The following SGMS2 variants were observed in gnomAD, a reference collection of about 807,000 sequenced individuals.
The protein encoded by SGMS2 is sphingomyelin synthase 2.
A neutral mutation model predicts 43.8 loss-of-function variants in SGMS2; 21 were observed. That is an observed-to-expected ratio of 0.48 (90% confidence interval 0.34 to 0.69). The LOEUF (loss-of-function observed/expected upper bound fraction) is 0.69, where lower values mean the gene tolerates loss of function less well. Among genes scored for constraint, SGMS2 ranks in the 30% least tolerant of loss-of-function variants. The pLI, the probability that SGMS2 is intolerant of heterozygous loss-of-function variation, is 0.01. For synonymous variants in SGMS2, 167 were observed against 160.6 expected, an observed-to-expected ratio of 1.04 and a Z score of -0.30; for missense variants, 384 against 443.2, an observed-to-expected ratio of 0.87 and a Z score of 1.20.
intron 2 of SGMS2, among the ~76,000 whole-genome samples, chr4:107,885,916 G>A (rs1049147411): frequency 4.6e-5 from 7 of 152,102 alleles, no homozygotes; most frequent in Admixed American, 1.3e-4. Context: ...TAAAATAAAT[G>A]TTCAGAACTT....
intron 1 of SGMS2, among the ~76,000 whole-genome samples, chr4:107,838,786 A>T (rs981813746): frequency 6.6e-6 from 1 of 151,500 alleles, no homozygotes; most frequent in South Asian, 2.1e-4. Context: ...ATATTCTTGG[A>T]TGCTGCTTTT....
At chr4:107,866,975 TTC>T (rs1439714896) in intron 2 of SGMS2, 1 of 152,182 alleles carries the variant, frequency 6.6e-6, no homozygotes, top group Non-Finnish European at 1.5e-5. Flanking sequence ...GTTTTGTGAC[TTC>T]TGATCCAGGG....
intron 1 of SGMS2, among the ~76,000 whole-genome samples, chr4:107,838,339 A>G (rs1726311416): frequency 6.6e-6 from 1 of 152,226 alleles, no homozygotes; most frequent in African/African-American, 2.4e-5. Flanking sequence ...AGTGATTCAA[A>G]GCACAAATTA....
chr4:107,828,791 T>G (rs1336965814), intron 1 of SGMS2, among the ~76,000 whole-genome samples: 1 of 152,246 alleles, frequency 6.6e-6, no homozygotes, highest in Non-Finnish European at 1.5e-5. Context: ...TCTTAATTTC[T>G]GCGTTCCTTT....
At chr4:107,833,209 T>A (rs1725989204) in intron 1 of SGMS2, among the ~76,000 whole-genome samples, 1 of 152,210 alleles carries the variant, frequency 6.6e-6, no homozygotes, top group African/African-American at 2.4e-5. Context: ...CCTCCTGTCC[T>A]AACAGCATTC....
At chr4:107,851,497 A>G (rs539533030) in intron 1 of SGMS2, among the ~76,000 whole-genome samples, 10 of 152,304 alleles carry the variant, frequency 6.6e-5, no homozygotes, top group African/African-American at 1.9e-4. Flanking sequence ...CCTAACCTGG[A>G]TAGTTAACAT....
At chr4:107,830,524 C>T (rs1397242860) in intron 1 of SGMS2, among the ~76,000 whole-genome samples, 1 of 152,162 alleles carries the variant, frequency 6.6e-6, no homozygotes, top group Non-Finnish European at 1.5e-5. Context: ...GTTCCCTTTT[C>T]TCTGCAACCT....
intron 2 of SGMS2, among the ~76,000 whole-genome samples, chr4:107,887,180 A>G (rs769418103): frequency 6.6e-6 from 1 of 152,172 alleles, no homozygotes; most frequent in African/African-American, 2.4e-5. Context: ...TTTTTCCTCT[A>G]TTCTGATGTC....
In SGMS2 at chr4:107,903,262, A is replaced by G. The variant is rs896314517; in HGVS notation, c.603A>G (p.Gln201=). The change falls in exon 5 of 7, where the codon CAA becomes CAG. Residue 201 remains glutamine, a synonymous_variant. Transcript: ENST00000690982. ...ATGGAGACTCTCAGGCAAAAGTTCA[A>G]CGGATTCTACGATTGATTTCTGGTG... ...KLNGDSQAKV[Q]RILRLISGGG... is the part of the protein sequence containing the mutation. The G allele has an allele frequency of 1.1e-5, 17 of 1,613,966 alleles. No individual in the cohort carries two copies. The highest frequency in any genetic ancestry group is 6.7e-5 in the East Asian group (3 of 44,894).
At chr4:107,843,606 T>C (rs1272968864) in intron 1 of SGMS2, among the ~76,000 whole-genome samples, 1 of 152,112 alleles carries the variant, frequency 6.6e-6, no homozygotes, top group African/African-American at 2.4e-5. Context: ...TCTGGGTGCT[T>C]TCACCTGAAA....
Position 107,903,317 on chromosome 4 carries a change from T to A in SGMS2, c.658T>A (p.Leu220Ile), listed in dbSNP as rs777860637. 1.9e-6 allele frequency: 3 copies of A among 1,613,702 alleles called. No individual in the cohort carries two copies. The highest frequency in any genetic ancestry group is 2.5e-6 in the Non-Finnish European group (3 of 1,179,604). Residue 220 changes from leucine (L) to isoleucine (I), a missense_variant, in exon 5 of 7, where the codon TTA (leucine) becomes ATA (isoleucine). Coordinates refer to ENST00000690982, the MANE Select transcript of SGMS2 (RefSeq NM_001375905.1). The part of the protein sequence containing the change: ...GGLSITGSHI[L>I]CGDFLFSGHT... Reference sequence around the variant, plus strand: ...ATTGTCCATAACTGGATCACATATCTTATGTGGAGACTTCCTCTTCAGCGG... The same window carrying A: ...ATTGTCCATAACTGGATCACATATCATATGTGGAGACTTCCTCTTCAGCGG...
intron 2 of SGMS2, among the ~76,000 whole-genome samples, chr4:107,891,803 G>T (rs1730241381): frequency 6.6e-6 from 1 of 152,032 alleles, no homozygotes; most frequent in African/African-American, 2.4e-5. Flanking sequence ...TATGCAAATG[G>T]ATTATCTTCC....
At chr4:107,837,155 G>C (rs2125992860) in intron 1 of SGMS2, among the ~76,000 whole-genome samples, 1 of 152,252 alleles carries the variant, frequency 6.6e-6, no homozygotes, top group East Asian at 1.9e-4. Context: ...TTTTGATTCT[G>C]GGGATTCAGC....
chr4:107,852,178 C>T (rs879904218), intron 1 of SGMS2, among the ~76,000 whole-genome samples: 2 of 151,656 alleles, frequency 1.3e-5, no homozygotes, highest in Non-Finnish European at 2.9e-5. Context: ...ACTGCATTCT[C>T]CTGCCTCAGC....
rs112559006 is a variant in SGMS2, at chr4:107,884,416, A to G, written c.-244-10894A>G. ...TCAGGGCCTACCCATCTAGGAACAA[A>G]CCATCCTAGCCATGAGAGATAAGAT... On this transcript the variant is annotated intron_variant, in intron 2 of 6. Coordinates refer to ENST00000690982, the MANE Select transcript of SGMS2 (RefSeq NM_001375905.1). 3.8e-3 allele frequency among the ~76,000 whole-genome samples: 584 copies of G among 152,264 alleles called. 4 individuals are homozygous for G. The highest frequency in any genetic ancestry group is 0.013 in the African/African-American group (555 of 41,556).
intron 3 of SGMS2, among the ~76,000 whole-genome samples, chr4:107,896,905 A>C (rs1730717984): frequency 6.6e-6 from 1 of 152,198 alleles, no homozygotes; most frequent in Non-Finnish European, 1.5e-5. Flanking sequence ...TAGTGATTAA[A>C]TCACTAAAAT....
chr4:107,843,566 G>A (rs1475509131), intron 1 of SGMS2, among the ~76,000 whole-genome samples: 1 of 152,176 alleles, frequency 6.6e-6, no homozygotes, highest in Non-Finnish European at 1.5e-5. Context: ...GGAGCTCTGA[G>A]GCCTGGAGTG....
intron 1 of SGMS2, among the ~76,000 whole-genome samples, chr4:107,845,408 G>A (rs750914384): frequency 1.3e-5 from 2 of 152,188 alleles, no homozygotes; most frequent in Non-Finnish European, 2.9e-5. Flanking sequence ...ATTGTGAGGT[G>A]TGCTCTGCAC....
Position 107,910,688 on chromosome 4 carries a change from A to C in SGMS2, c.*135A>C. Reference sequence around the variant, plus strand: ...CCAAATTTTGTGTAAACGATTAGAAAGATGAACAAAGTATTGCCCTTTGAC... The same window carrying C: ...CCAAATTTTGTGTAAACGATTAGAACGATGAACAAAGTATTGCCCTTTGAC... On this transcript the variant is annotated 3_prime_UTR_variant, in exon 7 of 7. Coordinates refer to ENST00000690982, the MANE Select transcript of SGMS2 (RefSeq NM_001375905.1). 3 of 738,496 alleles carry C rather than the reference A, an allele frequency of 4.1e-6. No homozygotes were observed. The highest frequency in any genetic ancestry group is 6.6e-6 in the Non-Finnish European group (3 of 457,932). 45.7% of individuals were successfully genotyped at this position (738,496 alleles called of 1,614,324 possible).
Sources: allele counts gnomAD v4.1 joint callset (sites outside exome capture counted in the v4.1 genomes callset), GRCh38; gene constraint gnomAD v4.1.1; transcripts MANE v1.5; gene names NCBI Gene and HGNC (gene_info 2026-07-23, HGNC 2026-07-21).